Variants in ZNF83 observed in about 807,000 individuals in gnomAD.
ZNF83 encodes zinc finger protein 83.
For missense variants in ZNF83, 552 were observed against 629.9 expected (o/e 0.88, Z 1.32); for synonymous variants, 209 against 213.0 (o/e 0.98, Z 0.17).
Position 52,687,362 on chromosome 19 carries a change from TTATAATATAAATTATAATTTATATATA to T in ZNF83, c.-283+3054_-283+3080del, listed in dbSNP as rs1208583645. Among the ~76,000 whole-genome samples the T allele has an allele frequency of 9.4e-3, 696 of 73,762 alleles. 103 individuals carry two copies. Among genetic ancestry groups the T allele is most frequent in the African/African-American group, 0.063 (633 of 10,032 alleles). The allele number at this position is 73,762 out of a possible 152,430, so 48.4% of individuals were successfully genotyped here. On this transcript the variant is annotated intron_variant, in intron 1 of 5. Transcript: ENST00000594682. ...TATATAATTTATATAGCTATATAAA[TTATAATATAAATTATAATTTATATATA>T]TATAATTTATATAGCTATATAAATT...
At chr19:52,683,509 CTGA>C (rs1388581492) in intron 1 of ZNF83, among the ~76,000 whole-genome samples, 1 of 31,378 alleles carries the variant, frequency 3.2e-5, no homozygotes, top group Non-Finnish European at 6.5e-5. Flanking sequence ...CCCACCCTTC[CTGA>C]AGGGAATCCA....
At chr19:52,652,011 T>G (rs2061447856) in intron 3 of ZNF83, 1 of 199,496 alleles carries the variant, frequency 5.0e-6, no homozygotes. Context: ...TTGGGACAAT[T>G]ATCTCAAAAA....
At chr19:52,683,359 C>T (rs188003104) in intron 1 of ZNF83, among the ~76,000 whole-genome samples, 18 of 152,138 alleles carry the variant, frequency 1.2e-4, no homozygotes, top group South Asian at 4.2e-4. Flanking sequence ...AGGTGGCCCT[C>T]GGGCTGCAGT....
intron 2 of ZNF83, among the ~76,000 whole-genome samples, chr19:52,615,192 A>G (rs915813745): frequency 1.3e-5 from 2 of 152,208 alleles, no homozygotes; most frequent in East Asian, 1.9e-4. Flanking sequence ...CTAAGGTCAG[A>G]GAAAACATTC....
At chr19:52,643,021 G>A (rs777916948), upstream of ZNF83, among the ~76,000 whole-genome samples, 2 of 152,068 alleles carry the variant, frequency 1.3e-5, no homozygotes, top group African/African-American at 2.4e-5. Flanking sequence ...GCCAGGCTTG[G>A]TGGGTATCTG....
chr19:52,637,619 C>A (rs1197007067), intron 1 of ZNF83, among the ~76,000 whole-genome samples: 1 of 152,096 alleles, frequency 6.6e-6, no homozygotes, highest in Non-Finnish European at 1.5e-5. Flanking sequence ...ATTCTTTTCT[C>A]TGTCTCAGCT....
chr19:52,634,773 C>T (rs1600202603), intron 2 of ZNF83, among the ~76,000 whole-genome samples: 1 of 152,158 alleles, frequency 6.6e-6, no homozygotes, highest in African/African-American at 2.4e-5. Context: ...CCTGAACAAT[C>T]CCTGCTGCCC....
chr19:52,671,038 GC>G (rs2061717924), intron 1 of ZNF83, among the ~76,000 whole-genome samples: 1 of 152,132 alleles, frequency 6.6e-6, no homozygotes, highest in African/African-American at 2.4e-5. Flanking sequence ...GATTGGTAGG[GC>G]CTAGAAGAAA....
chr19:52,615,637 A>C (rs2060278488), intron 2 of ZNF83, among the ~76,000 whole-genome samples: 1 of 152,162 alleles, frequency 6.6e-6, no homozygotes, highest in Non-Finnish European at 1.5e-5. Context: ...GTAAAATAGA[A>C]AGAAGGCACC....
At chr19:52,680,202 G>A (rs936998626) in intron 1 of ZNF83, among the ~76,000 whole-genome samples, 5 of 152,036 alleles carry the variant, frequency 3.3e-5, no homozygotes, top group African/African-American at 1.2e-4. Context: ...AAGAAAGCAG[G>A]CATGGGGCAA....
Position 52,627,003 on chromosome 19 carries a change from C to T in ZNF83, c.-234+8063G>A, listed in dbSNP as rs150145047. 1.6e-3 allele frequency among the ~76,000 whole-genome samples: 249 copies of T among 152,224 alleles called. 1 individual carries two copies. In the East Asian group the frequency reaches 0.028, roughly 17 times the overall value. ...GCCCCTGTCTTAACTGATTGACCAA[C>T]CTTATGACTTTCCATTATGACTTGT... On this transcript the variant is annotated intron_variant, in intron 2 of 2. Transcript: ENST00000301096.
intron 1 of ZNF83, among the ~76,000 whole-genome samples, chr19:52,666,618 CAAAAAAAA>C (rs59937542): frequency 9.5e-6 from 1 of 105,802 alleles, no homozygotes; most frequent in African/African-American, 3.4e-5. Flanking sequence ...TATCCTAAGT[CAAAAAAAA>C]AAAAAAAAAA....
exon 3 of ZNF83, chr19:52,614,310 T>C: frequency 1.9e-6 from 3 of 1,613,832 alleles, no homozygotes; most frequent in Non-Finnish European, 2.5e-6. Flanking sequence ...CAATATTTGC[T>C]TTCTCTTTTT....
chr19:52,677,550 T>C (rs935321660), intron 1 of ZNF83, among the ~76,000 whole-genome samples: 1 of 151,576 alleles, frequency 6.6e-6, no homozygotes, highest in Admixed American at 6.6e-5. Flanking sequence ...TAAAAGCAGT[T>C]TTACGTCTCT....
chr19:52,626,029 A>G (rs1035448695), intron 2 of ZNF83, among the ~76,000 whole-genome samples: 3 of 152,220 alleles, frequency 2.0e-5, no homozygotes, highest in Non-Finnish European at 2.9e-5. Context: ...GGACAGGGAC[A>G]TGTACACTCA....
At chr19:52,643,113 G>C (rs1374253598), upstream of ZNF83, among the ~76,000 whole-genome samples, 3 of 152,094 alleles carry the variant, frequency 2.0e-5, no homozygotes, top group Non-Finnish European at 4.4e-5. Context: ...GGGTGGTGGA[G>C]GTTGTAGTGA....
At chr19:52,680,696 T>C (rs967852412) in intron 1 of ZNF83, among the ~76,000 whole-genome samples, 1 of 132,710 alleles carries the variant, frequency 7.5e-6, no homozygotes, top group Non-Finnish European at 1.5e-5. Flanking sequence ...CACTGCAAGC[T>C]CCGCCTCCCG....
At chr19:52,656,301 C>T (rs1397347354) in intron 2 of ZNF83, among the ~76,000 whole-genome samples, 1 of 151,992 alleles carries the variant, frequency 6.6e-6, no homozygotes, top group African/African-American at 2.4e-5. Context: ...GTAGGTGGAT[C>T]ACTTAAGGTC....
intron 2 of ZNF83, among the ~76,000 whole-genome samples, chr19:52,656,226 C>A (rs55872114): frequency 0.15 from 21,116 of 144,824 alleles, 1,663 homozygotes; most frequent in African/African-American, 0.23. Context: ...CTCTCTCTCT[C>A]TATATATATA....
Sources: allele counts gnomAD v4.1 joint callset (sites outside exome capture counted in the v4.1 genomes callset), GRCh38; gene constraint gnomAD v4.1.1; transcripts MANE v1.5; gene names NCBI Gene and HGNC (gene_info 2026-07-23, HGNC 2026-07-21).